NRG2: variants seen among roughly 807,000 people sequenced by gnomAD.
NRG2 encodes neuregulin 2, also known as pro-neuregulin-2, membrane-bound isoform.
Under a neutral mutation model 73.9 loss-of-function variants are expected in NRG2, and 27 were observed. The observed-to-expected ratio is 0.37, with a 90% CI of 0.27 to 0.50. NRG2 has a LOEUF of 0.50. NRG2 is among the 20% of genes least tolerant of loss of function. The pLI, the probability that NRG2 is intolerant of heterozygous loss-of-function variation, is 0.96. For missense variants in NRG2, 1,126 were observed against 1,210.1 expected (o/e 0.93, Z 1.03); for synonymous variants, 532 against 541.0 (o/e 0.98, Z 0.23).
At position 139,848,559 on chromosome 5, in the gene NRG2, G is replaced by T. The variant is rs1172084189; in HGVS notation, c.1911C>A (p.Ile637=). The change falls in exon 10 of 10, where the codon ATC becomes ATA. Residue 637 remains isoleucine, a synonymous_variant. Transcript: ENST00000361474. Reference sequence around the variant, plus strand: ...GCTGCTGCTCGGCCAGGCGGTAACTGATGGGCGCCGCCGGCGGCAGCGACA... The same window carrying T: ...GCTGCTGCTCGGCCAGGCGGTAACTTATGGGCGCCGCCGGCGGCAGCGACA... The part of the protein sequence containing the change: ...HAVSLPPAAP[I]SYRLAEQQPL... The T allele has an allele frequency of 2.6e-6, 4 of 1,546,092 alleles. No individual in the cohort carries two copies. The highest frequency in any genetic ancestry group is 3.5e-6 in the Non-Finnish European group (4 of 1,157,570).
chr5:139,854,469 T>C (rs1761689833), intron 6 of NRG2, among the ~76,000 whole-genome samples: 1 of 152,252 alleles, frequency 6.6e-6, no homozygotes, highest in Non-Finnish European at 1.5e-5. Flanking sequence ...ACTGAATGTT[T>C]GTTGAAGAAA....
At position 139,853,046 on chromosome 5, in the gene NRG2, G is replaced by C; in HGVS notation, c.1293-19C>G. ...CTGTTTTCTGCACAAGGGAAGGGAA[G>C]GTGAGGCTGGCATTCCCCCCACTCG... On this transcript the variant is annotated intron_variant, in intron 6 of 9. Transcript: ENST00000361474. This position sits in a 1 kb window ranked among gnomAD's most constrained non-coding sequence, Gnocchi z 4.1. 1 of 1,612,692 alleles carries C rather than the reference G, an allele frequency of 6.2e-7. No individual in the cohort carries two copies. Among genetic ancestry groups the C allele is most frequent in the Non-Finnish European group, 8.5e-7 (1 of 1,179,474 alleles).
intron 1 of NRG2, among the ~76,000 whole-genome samples, chr5:140,037,591 T>C (rs986408582): frequency 6.6e-5 from 10 of 152,270 alleles, no homozygotes; most frequent in African/African-American, 1.7e-4. Context: ...AAAATTAACA[T>C]TCTCCCTCTG....
In NRG2 at chr5:139,847,938, CT is replaced by C. The variant is rs1761096652; in HGVS notation, c.2531del (p.Lys844SerfsTer23). ...RHSRGPPPRA[K>X]QDSAPL is the part of the protein sequence containing the mutation. ...GGCCCTAGAGTGGCGCCGAGTCCTG[CT>C]TGGCCCGCGGGGGCGGCCCGCGGCT... On this transcript the variant is annotated frameshift_variant, in exon 10 of 10. Transcript: ENST00000361474. LOFTEE classifies it high-confidence loss of function. 3.3e-6 allele frequency: 5 copies of C among 1,499,156 alleles called. No homozygotes were observed. The highest frequency in any genetic ancestry group is 4.4e-6 in the Non-Finnish European group (5 of 1,129,768). 92.9% of individuals were successfully genotyped at this position (1,499,156 alleles called of 1,614,324 possible). A position where few individuals can be genotyped will look rare whatever the true frequency, so the allele number is the denominator to read the frequency against.
intron 1 of NRG2, among the ~76,000 whole-genome samples, chr5:139,947,470 C>A (rs1401490111): frequency 6.6e-6 from 1 of 152,122 alleles, no homozygotes; most frequent in East Asian, 1.9e-4. Flanking sequence ...TTTTATTAAT[C>A]CAACCAACAG....
At position 139,945,552 on chromosome 5, in the gene NRG2, G is replaced by T. The variant is rs181571645; in HGVS notation, c.701-58041C>A. ...GTACCATGCTGTTTTGGTTACTACAGATTTGAGGAAAGAGAACAAAACTGG... is the reference window on the plus strand; with the variant it reads ...GTACCATGCTGTTTTGGTTACTACATATTTGAGGAAAGAGAACAAAACTGG... On this transcript the variant is annotated intron_variant, in intron 1 of 9. Coordinates refer to ENST00000361474, the MANE Select transcript of NRG2 (RefSeq NM_004883.3). Among the ~76,000 whole-genome samples, 216 of 152,180 alleles carry T rather than the reference G, an allele frequency of 1.4e-3. 2 individuals are homozygous for T. Among genetic ancestry groups the T allele is most frequent in the Non-Finnish European group, 1.7e-3 (115 of 67,940 alleles).
At chr5:139,972,648 CA>C (rs1756060383) in intron 1 of NRG2, among the ~76,000 whole-genome samples, 2 of 152,174 alleles carry the variant, frequency 1.3e-5, no homozygotes. Context: ...CGCTCGAACC[CA>C]GGAGGCAGAG....
At chr5:139,952,775 G>C (rs1000389570) in intron 1 of NRG2, among the ~76,000 whole-genome samples, 2 of 152,114 alleles carry the variant, frequency 1.3e-5, no homozygotes, top group African/African-American at 4.8e-5. Context: ...GTGTGTGCGT[G>C]TGTGTGCATG....
intron 1 of NRG2, among the ~76,000 whole-genome samples, chr5:139,976,281 A>G (rs1756378632): frequency 6.6e-6 from 1 of 152,230 alleles, no homozygotes; most frequent in African/African-American, 2.4e-5. Context: ...GTGCTCCTCA[A>G]AGAATGGGTT....
intron 5 of NRG2, among the ~76,000 whole-genome samples, chr5:139,861,950 G>A (rs1762173718): frequency 2.0e-5 from 3 of 152,180 alleles, no homozygotes; most frequent in Admixed American, 1.3e-4. Flanking sequence ...ACTTTCCGAC[G>A]AGGTGGTTGT....
At chr5:139,914,018 G>C (rs1751051160) in intron 1 of NRG2, among the ~76,000 whole-genome samples, 2 of 152,074 alleles carry the variant, frequency 1.3e-5, no homozygotes, top group African/African-American at 4.8e-5. Context: ...GCCAGGCATG[G>C]TGGCACACAC....
chr5:140,020,562 G>A (rs1203630317), intron 1 of NRG2, among the ~76,000 whole-genome samples: 1 of 152,112 alleles, frequency 6.6e-6, no homozygotes, highest in African/African-American at 2.4e-5. Context: ...CCCAAGATCC[G>A]GACACATATG....
At chr5:139,991,200 C>A (rs905175621) in intron 1 of NRG2, among the ~76,000 whole-genome samples, 6 of 152,056 alleles carry the variant, frequency 3.9e-5, no homozygotes, top group Non-Finnish European at 7.4e-5. Context: ...CGCTTGAATC[C>A]CGGAGGCAGA....
chr5:140,030,554 G>C (rs1412869553), intron 1 of NRG2, among the ~76,000 whole-genome samples: 1 of 152,216 alleles, frequency 6.6e-6, no homozygotes. Context: ...CTCAGCTCCA[G>C]CTCCCGCTTG....
Position 139,887,393 on chromosome 5 carries a change from A to G in NRG2, c.819T>C (p.Asp273=), listed in dbSNP as rs1486908558. The G allele has an allele frequency of 3.1e-6, 5 of 1,614,220 alleles. No individual in the cohort carries two copies. Among genetic ancestry groups the G allele is most frequent in the East Asian group, 2.2e-5 (1 of 44,884 alleles). Reference sequence around the variant, plus strand: ...CTCGGCTGCGGTTGAGCTCCTTGCCATCCTTGAACCAACGGTAGGAAGGCT... The same window carrying G: ...CTCGGCTGCGGTTGAGCTCCTTGCCGTCCTTGAACCAACGGTAGGAAGGCT... ...NPQPSYRWFK[D]GKELNRSRDI... The change falls in exon 2 of 10, where the codon GAT becomes GAC. Residue 273 remains aspartate, a synonymous_variant. Transcript: ENST00000361474. This position sits in a 1 kb window ranked among gnomAD's most constrained non-coding sequence, Gnocchi z 4.5.
chr5:140,011,134 C>G (rs74780882), intron 1 of NRG2, among the ~76,000 whole-genome samples: 4 of 152,206 alleles, frequency 2.6e-5, no homozygotes, highest in Admixed American at 1.3e-4. Flanking sequence ...CTCAGCATAG[C>G]CTACAAGACT....
At chr5:139,848,757 G>C (rs1360968279) in intron 9 of NRG2, 60 bp from the exon 10 acceptor site, 1 of 744,544 alleles carries the variant, frequency 1.3e-6, no homozygotes, top group Non-Finnish European at 1.9e-6. Flanking sequence ...GGGGAGGGGG[G>C]GTTGGGGGTG....
At chr5:139,872,584 G>A (rs907723966) in intron 3 of NRG2, among the ~76,000 whole-genome samples, 14 of 152,066 alleles carry the variant, frequency 9.2e-5, no homozygotes, top group Admixed American at 5.9e-4. Flanking sequence ...TCCAGGTCTC[G>A]GACAGCCCCA....
rs559512232 is a variant in NRG2 at position 139,944,007 on chromosome 5, T to C, written c.701-56496A>G. ...TTCACATCACAAATATTATTCTTTG[T>C]ACTGAATTAATGTTTTCTCAACTAT... On this transcript the variant is annotated intron_variant, in intron 1 of 9. Transcript: ENST00000361474. 3.9e-5 allele frequency among the ~76,000 whole-genome samples: 6 copies of C among 152,334 alleles called. No individual in the cohort carries two copies. In the East Asian group the frequency reaches 7.7e-4, roughly 20 times the overall value.
Sources: gnomAD v4.1 joint callset for allele counts (sites outside exome capture counted in the v4.1 genomes callset) on GRCh38, gnomAD v4.1.1 for gene constraint, Gnocchi (gnomAD v3.1) non-coding constraint, MANE v1.5 for transcripts, NCBI Gene and HGNC (gene_info 2026-07-23, HGNC 2026-07-21) for gene names.